Variants in USP15 observed in about 807,000 individuals in gnomAD.
The protein encoded by USP15 is ubiquitin carboxyl-terminal hydrolase 15.
Under a neutral mutation model 127.1 loss-of-function variants are expected in USP15, and 18 were observed. The observed-to-expected ratio is 0.14, with a 90% CI of 0.10 to 0.21. USP15 has a LOEUF of 0.21. Ranked by LOEUF, USP15 falls within the 10% of genes least tolerant of loss-of-function variation. USP15 has a pLI of 1.00. For missense variants in USP15, 805 were observed against 1,159.9 expected, an observed-to-expected ratio of 0.69 and a Z score of 4.44; for synonymous variants, 364 against 393.7, an observed-to-expected ratio of 0.92 and a Z score of 0.89.
intron 7 of USP15, among the ~76,000 whole-genome samples, chr12:62,354,151 ATG>A (rs1269380181): frequency 4.7e-5 from 7 of 150,476 alleles, no homozygotes; most frequent in Non-Finnish European, 8.9e-5. Flanking sequence ...GTGTGTGTGT[ATG>A]TGTGTTTACT....
At chr12:62,401,061 T>C in intron 20 of USP15, 126 bp from the exon 21 acceptor site, 1 of 489,560 alleles carries the variant, frequency 2.0e-6, no homozygotes, top group East Asian at 3.5e-5. Context: ...GAATATGTAA[T>C]AAATAAGCCT....
At chr12:62,302,734 A>G (rs934152948) in intron 2 of USP15, 56 bp from the exon 3 acceptor site, 26 of 1,523,518 alleles carry the variant, frequency 1.7e-5, no homozygotes, top group South Asian at 3.8e-5. Flanking sequence ...TTAATTTGTA[A>G]TGTGTCCAAA....
intron 2 of USP15, among the ~76,000 whole-genome samples, chr12:62,298,487 A>G (rs2064202158): frequency 6.6e-6 from 1 of 152,164 alleles, no homozygotes; most frequent in South Asian, 2.1e-4. Flanking sequence ...CAACATGGTG[A>G]AACCCCGTCT....
At chr12:62,397,619 G>T (rs1317506195) in intron 20 of USP15, among the ~76,000 whole-genome samples, 1 of 151,694 alleles carries the variant, frequency 6.6e-6, no homozygotes. Flanking sequence ...AACACTTTGG[G>T]AAGTGGAGGC....
At chr12:62,346,572 C>G (rs1367255810) in intron 6 of USP15, among the ~76,000 whole-genome samples, 1 of 152,124 alleles carries the variant, frequency 6.6e-6, no homozygotes, top group Non-Finnish European at 1.5e-5. Flanking sequence ...TTGCCCTTGC[C>G]CACTCTACTT....
rs184011823 is a variant in USP15, at chr12:62,335,750, C to T, written c.683+9817C>T. ...AGCCACCTACATTTAAAAGGCTATA[C>T]TTAATGTTGCTTGCCACCCATTCAG... On this transcript the variant is annotated intron_variant, in intron 6 of 21. Coordinates refer to ENST00000280377, the MANE Select transcript of USP15 (RefSeq NM_001252078.2). 3.2e-5 allele frequency: 32 copies of T among 985,390 alleles called. 1 individual carries two copies. In the East Asian group the frequency reaches 2.2e-3, roughly 66 times the overall value. The allele number at this position is 985,390 out of a possible 1,614,324, so 61.0% of individuals were successfully genotyped here. A position where few individuals can be genotyped will look rare whatever the true frequency, so the allele number is the denominator to read the frequency against.
In USP15 at chr12:62,260,446, C is replaced by A. The variant is rs1421261062; in HGVS notation, c.32C>A (p.Thr11Asn). Reference sequence around the variant, plus strand: ...GAAGGCGGAGCGGCGGATCTGGACACCCAGCGGTCTGACATCGCGACGCTG... The same window carrying A: ...GAAGGCGGAGCGGCGGATCTGGACAACCAGCGGTCTGACATCGCGACGCTG... The part of the protein sequence containing the change: MAEGGAADLD[T>N]QRSDIATLLK... Residue 11 changes from threonine (T) to asparagine (N), a missense_variant, in exon 1 of 22, where the codon ACC (threonine) becomes AAC (asparagine). Thr to Asn is a moderately conservative substitution (Grantham distance 65, BLOSUM62 0). Around this residue, in one of 11 missense-constraint regions of USP15, gnomAD observed 45 missense variants for 37.8 expected, o/e 1.19. Transcript: ENST00000280377. The A allele has an allele frequency of 1.3e-6, 2 of 1,551,882 alleles. No individual in the cohort carries two copies. Among genetic ancestry groups the A allele is most frequent in the Non-Finnish European group, 1.7e-6 (2 of 1,147,796 alleles).
chr12:62,388,292 C>CCAGCTAATTTTTT (rs1178205278), intron 11 of USP15, among the ~76,000 whole-genome samples: 1 of 151,958 alleles, frequency 6.6e-6, no homozygotes, highest in African/African-American at 2.4e-5. Context: ...GCCTCCGAGC[C>CCAGCTAATTTTTT]CAGCTAATTT....
In USP15 at chr12:62,315,088, C is replaced by T. The variant is rs114562712; in HGVS notation, c.475+172C>T. The stretch of plus-strand genomic sequence containing the variant: ...TAAATTATTTATTGTTTCTTGTATG[C>T]TTTTGCATTTATTAAATGAATTTTA... On this transcript the variant is annotated intron_variant, in intron 4 of 21. Coordinates refer to ENST00000280377, the MANE Select transcript of USP15 (RefSeq NM_001252078.2). The T allele has an allele frequency of 7.5e-3, 4,330 of 578,752 alleles. 161 individuals carry two copies. The African/African-American group carries it at 0.075, about 10-fold the overall frequency. 35.9% of individuals were successfully genotyped at this position (578,752 alleles called of 1,614,324 possible).
intron 6 of USP15, chr12:62,336,510 TTA>T: frequency 4.1e-6 from 4 of 982,906 alleles, no homozygotes; most frequent in Non-Finnish European, 4.8e-6. Flanking sequence ...TTCTTGAAAA[TTA>T]TTAAAGATCC....
At chr12:62,269,421 A>G (rs1449378909) in intron 1 of USP15, among the ~76,000 whole-genome samples, 1 of 151,748 alleles carries the variant, frequency 6.6e-6, no homozygotes, top group African/African-American at 2.4e-5. Flanking sequence ...CAATATTATG[A>G]TCTTTTTTGT....
At position 62,401,351 on chromosome 12, in the gene USP15, C is replaced by T; in HGVS notation, c.2763+76C>T. ...AGTGAATATAAATTAATAAAAGGGG[C>T]TCATGGAACACTGTAGTCTATATTC... On this transcript the variant is annotated intron_variant, in intron 21 of 21. Transcript: ENST00000280377. The T allele has an allele frequency of 3.6e-6, 4 of 1,107,878 alleles. No homozygotes were observed. In the South Asian group the frequency reaches 4.2e-5, roughly 12 times the overall value. The allele number at this position is 1,107,878 out of a possible 1,614,324, so 68.6% of individuals were successfully genotyped here.
At position 62,411,030 on chromosome 12, in the gene USP15, C is replaced by T. The variant is rs891176012; in HGVS notation, c.*6655C>T. 3.3e-5 allele frequency: 5 copies of T among 152,054 alleles called. No individual in the cohort carries two copies. Among genetic ancestry groups the T allele is most frequent in the African/African-American group, 1.2e-4 (5 of 41,428 alleles). The allele number at this position is 152,054 out of a possible 1,614,324, so 9.4% of individuals were successfully genotyped here. A position where few individuals can be genotyped will look rare whatever the true frequency, so the allele number is the denominator to read the frequency against. On this transcript the variant is annotated 3_prime_UTR_variant, in exon 22 of 22. Transcript: ENST00000280377. ...CATGAAAGACCTTGATCCAGAGGTT[C>T]TCAGCAAGCCACACCTGAATTCCTA...
chr12:62,334,570 T>G (rs1449261215), intron 6 of USP15, among the ~76,000 whole-genome samples: 1 of 152,216 alleles, frequency 6.6e-6, no homozygotes, highest in Non-Finnish European at 1.5e-5. Context: ...TAAAAGTGTT[T>G]AATTTTTTAG....
rs999393233 is a variant in USP15, at chr12:62,320,293, C to T, written c.476-1171C>T. 4.6e-5 allele frequency among the ~76,000 whole-genome samples: 7 copies of T among 152,220 alleles called. No homozygotes were observed. The East Asian group carries it at 1.4e-3, about 29-fold the overall frequency. On this transcript the variant is annotated intron_variant, in intron 4 of 21. Transcript: ENST00000280377. ...ATGAGATACGGTTGTTTGTGTGTAG[C>T]ACTTCCCCCTTCGCACTCTCTCCTG...
At chr12:62,322,486 G>A (rs1015228417) in intron 5 of USP15, among the ~76,000 whole-genome samples, 7 of 147,890 alleles carry the variant, frequency 4.7e-5, no homozygotes, top group African/African-American at 7.7e-5. Context: ...GTCACTGTCA[G>A]CAAGTCCTAC....
At chr12:62,336,106 A>G (rs900226161) in intron 6 of USP15, 2 of 985,312 alleles carry the variant, frequency 2.0e-6, no homozygotes, top group Admixed American at 6.2e-5. Context: ...CCTTAAATGC[A>G]TTGACATTCA....
chr12:62,272,868 G>A (rs534956128), intron 1 of USP15, among the ~76,000 whole-genome samples: 105 of 152,070 alleles, frequency 6.9e-4, no homozygotes, highest in African/African-American at 2.4e-3. Flanking sequence ...AGTTTTTGAC[G>A]TAGTATTTCA....
At chr12:62,298,462 C>T (rs573540766) in intron 2 of USP15, among the ~76,000 whole-genome samples, 33 of 152,168 alleles carry the variant, frequency 2.2e-4, no homozygotes, top group African/African-American at 7.7e-4. Flanking sequence ...GTCAAGAGAT[C>T]GAGACCATTC....
Sources: allele counts gnomAD v4.1 joint callset (sites outside exome capture counted in the v4.1 genomes callset), GRCh38; gene constraint gnomAD v4.1.1; regional missense constraint gnomAD v4.1.1; transcripts MANE v1.5; gene names NCBI Gene and HGNC (gene_info 2026-07-23, HGNC 2026-07-21).